The following MARK2 variants were observed in gnomAD, a reference collection of about 807,000 sequenced individuals.
MARK2 encodes the protein microtubule affinity regulating kinase 2.
Under a neutral mutation model 89.8 loss-of-function variants are expected in MARK2, and 16 were observed. That is an observed-to-expected ratio of 0.18 (90% confidence interval 0.12 to 0.27). The LOEUF (loss-of-function observed/expected upper bound fraction) is 0.27. Among genes scored for constraint, MARK2 ranks in the 10% least tolerant of loss-of-function variants. The pLI is 1.00. For missense variants in MARK2, 621 were observed against 1,049.9 expected (o/e 0.59, Z 5.65); for synonymous variants, 382 against 399.5 (o/e 0.96, Z 0.52).
chr11:63,847,876 G>A (rs1452867294), intron 1 of MARK2, among the ~76,000 whole-genome samples: 1 of 152,222 alleles, frequency 6.6e-6, no homozygotes, highest in Admixed American at 6.5e-5. Context: ...TATGGGTCTG[G>A]GAGGGGATCA....
chr11:63,862,856 C>T (rs182041428), intron 1 of MARK2, among the ~76,000 whole-genome samples: 239 of 107,258 alleles, frequency 2.2e-3, no homozygotes, highest in Non-Finnish European at 4.0e-3. Context: ...TGTAAGCACC[C>T]CACTCCCCAC....
chr11:63,880,962 T>G (rs551997829), intron 1 of MARK2, among the ~76,000 whole-genome samples: 16 of 152,338 alleles, frequency 1.1e-4, no homozygotes, highest in Middle Eastern at 3.4e-3. Flanking sequence ...CATTTATTAA[T>G]TCAGTACTTT....
chr11:63,886,538 C>T (rs1427950119), intron 1 of MARK2, among the ~76,000 whole-genome samples: 3 of 152,114 alleles, frequency 2.0e-5, no homozygotes, highest in Non-Finnish European at 4.4e-5. Flanking sequence ...AGTTCTCATG[C>T]CTCAGCCTCC....
Position 63,855,925 on chromosome 11 carries a change from CAT to C in MARK2, c.54+16366_54+16367del, listed in dbSNP as rs542260647. The stretch of plus-strand genomic sequence containing the variant: ...ATTTTAAAAAGATTATTAGCATAAA[CAT>C]GTGGATTTATGATCTTGAATGGATT... On this transcript the variant is annotated intron_variant, in intron 1 of 18. Coordinates refer to ENST00000402010, the MANE Select transcript of MARK2 (RefSeq NM_001039469.3). Among the ~76,000 whole-genome samples, 174 of 152,286 alleles carry C rather than the reference CAT, an allele frequency of 1.1e-3. 1 individual carries two copies. Among genetic ancestry groups the C allele is most frequent in the Non-Finnish European group, 2.2e-3 (149 of 68,020 alleles).
Position 63,904,114 on chromosome 11 carries a change from C to A in MARK2, c.1643C>A (p.Pro548His). ...CCCAACAAGGCCTCTGGGCTGCCCC[C>A]CACGGAGAGTAACTGTGAGGTGCCG... ...VHPNKASGLPPTESNCEVPRP... is the reference protein window; with the variant it reads ...VHPNKASGLPHTESNCEVPRP... The change falls in exon 15 of 19, where the codon CCC (proline) becomes CAC (histidine). Residue 548 changes from proline to histidine, a missense_variant. Pro to His is a moderately conservative substitution (Grantham distance 77, BLOSUM62 -2). Around this residue, in one of 5 missense-constraint regions of MARK2, gnomAD observed 397 missense variants for 567.8 expected, o/e 0.70. Coordinates refer to ENST00000402010, the MANE Select transcript of MARK2 (RefSeq NM_001039469.3). The surrounding 1 kb of genome is among the most constrained non-coding windows in gnomAD (Gnocchi z 6.3). 1 of 1,597,952 alleles carries A rather than the reference C, an allele frequency of 6.3e-7. No homozygotes were observed. Among genetic ancestry groups the A allele is most frequent in the East Asian group, 2.2e-5 (1 of 44,496 alleles).
intron 1 of MARK2, among the ~76,000 whole-genome samples, chr11:63,873,546 A>G (rs1938573775): frequency 6.6e-6 from 1 of 152,184 alleles, no homozygotes; most frequent in Non-Finnish European, 1.5e-5. Flanking sequence ...GCTGTGGGAA[A>G]ACCCAAAAGG....
intron 1 of MARK2, among the ~76,000 whole-genome samples, chr11:63,860,593 C>A (rs576704133): frequency 7.2e-6 from 1 of 139,168 alleles, no homozygotes; most frequent in East Asian, 2.2e-4. Flanking sequence ...GCACAGTGGC[C>A]CACATCTGTA....
intron 1 of MARK2, among the ~76,000 whole-genome samples, chr11:63,877,206 G>C (rs1400352404): frequency 6.9e-6 from 1 of 144,730 alleles, no homozygotes; most frequent in South Asian, 2.2e-4. Context: ...ACCTCCCCAG[G>C]CACAGGTGAT....
rs759812063 is a variant in MARK2, at chr11:63,899,113, G to A, written c.531+5G>A. ...ATTGTCCATAGAGACTTAAAGGTAAGGCATGCACTTCTCCTTGTGCCTTTG... is the reference window on the plus strand; with the variant it reads ...ATTGTCCATAGAGACTTAAAGGTAAAGCATGCACTTCTCCTTGTGCCTTTG... On this transcript the variant is annotated splice_donor_5th_base_variant and intron_variant, in intron 7 of 18. Transcript: ENST00000402010. The A allele has an allele frequency of 6.3e-7, 1 of 1,599,854 alleles. No homozygotes were observed. The highest frequency in any genetic ancestry group is 1.7e-5 in the Admixed American group (1 of 60,014).
chr11:63,848,122 C>T (rs1395360360), intron 1 of MARK2, among the ~76,000 whole-genome samples: 7 of 152,208 alleles, frequency 4.6e-5, no homozygotes, highest in Non-Finnish European at 1.0e-4. Context: ...GGAAGTCTTT[C>T]TCAGGGAGCA....
At chr11:63,864,698 GT>G (rs1430862803) in intron 1 of MARK2, among the ~76,000 whole-genome samples, 5 of 151,336 alleles carry the variant, frequency 3.3e-5, no homozygotes, top group Non-Finnish European at 7.4e-5. Flanking sequence ...TGCCTGCTCT[GT>G]TGCCCTTGAT....
intron 7 of MARK2, 61 bp downstream of exon 7, chr11:63,899,169 TC>T: frequency 9.4e-7 from 1 of 1,063,884 alleles, no homozygotes; most frequent in Non-Finnish European, 1.5e-6. Flanking sequence ...CTCTTGGTTC[TC>T]CATGATAAAA....
chr11:63,882,350 G>A (rs1203124335), intron 1 of MARK2, among the ~76,000 whole-genome samples: 1 of 152,014 alleles, frequency 6.6e-6, no homozygotes, highest in African/African-American at 2.4e-5. Flanking sequence ...TTGGGAGGCC[G>A]AGCTGGGCGG....
chr11:63,878,509 A>G (rs1266941113), intron 1 of MARK2, among the ~76,000 whole-genome samples: 1 of 151,816 alleles, frequency 6.6e-6, no homozygotes, highest in African/African-American at 2.4e-5. Flanking sequence ...AGCTGAGACT[A>G]CAGGTGCCCA....
At chr11:63,897,585 G>A (rs1369781060) in intron 3 of MARK2, among the ~76,000 whole-genome samples, 2 of 152,222 alleles carry the variant, frequency 1.3e-5, no homozygotes, top group Admixed American at 6.5e-5. Flanking sequence ...CCCGCAGAGG[G>A]GAAGGAGTTC....
rs893830693 is a variant in MARK2, at chr11:63,902,386, G to C, written c.1234+56G>C. On this transcript the variant is annotated intron_variant, in intron 12 of 18. Coordinates refer to ENST00000402010, the MANE Select transcript of MARK2 (RefSeq NM_001039469.3). This position sits in a 1 kb window ranked among gnomAD's most constrained non-coding sequence, Gnocchi z 4.2. ...CTCACCCCTCTCCAGAGAGGTTACAGGTTCTGTGGGGACTTGGGTAACACA... is the reference window on the plus strand; with the variant it reads ...CTCACCCCTCTCCAGAGAGGTTACACGTTCTGTGGGGACTTGGGTAACACA... 1.9e-6 allele frequency: 3 copies of C among 1,602,674 alleles called. No individual in the cohort carries two copies. Among genetic ancestry groups the C allele is most frequent in the African/African-American group, 1.3e-5 (1 of 74,630 alleles).
intron 1 of MARK2, among the ~76,000 whole-genome samples, chr11:63,875,758 C>T (rs766239340): frequency 2.0e-5 from 3 of 152,206 alleles, no homozygotes; most frequent in Non-Finnish European, 4.4e-5. Context: ...GTGTGAAGGA[C>T]AGTGGCGATG....
chr11:63,909,932 C>T lies in MARK2; in HGVS notation c.*695C>T, dbSNP rs752328334. 1 of 152,884 alleles carries T rather than the reference C, an allele frequency of 6.5e-6. No individual in the cohort carries two copies. The highest frequency in any genetic ancestry group is 1.5e-5 in the Non-Finnish European group (1 of 68,618). The allele number at this position is 152,884 out of a possible 1,614,324, so 9.5% of individuals were successfully genotyped here. On this transcript the variant is annotated 3_prime_UTR_variant, in exon 19 of 19. Coordinates refer to ENST00000402010, the MANE Select transcript of MARK2 (RefSeq NM_001039469.3). ...CTGGAGGGCCGGCACAAGGCTCCGC[C>T]TCCCTCCACACTGTACCCTCTGCCC... is the stretch of plus-strand genomic sequence containing the variant.
intron 1 of MARK2, chr11:63,888,561 C>G: frequency 8.4e-6 from 9 of 1,073,944 alleles, no homozygotes; most frequent in Non-Finnish European, 1.0e-5. Flanking sequence ...CTGCCCTATT[C>G]CCCTCCTGCC....
Sources: allele counts gnomAD v4.1 joint callset (sites outside exome capture counted in the v4.1 genomes callset), GRCh38; gene constraint gnomAD v4.1.1; regional missense constraint gnomAD v4.1.1; non-coding constraint Gnocchi (gnomAD v3.1); transcripts MANE v1.5; gene names NCBI Gene and HGNC (gene_info 2026-07-23, HGNC 2026-07-21).